The following LDLRAD3 variants were observed in gnomAD, a reference collection of about 807,000 sequenced individuals.
LDLRAD3 encodes low-density lipoprotein receptor class A domain-containing protein 3.
In LDLRAD3, 20 loss-of-function variants were observed where a neutral mutation model predicts 29.4. The observed-to-expected ratio is 0.68, with a 90% confidence interval of 0.48 to 0.99. The LOEUF (loss-of-function observed/expected upper bound fraction) is 0.99, where lower values mean the gene tolerates loss of function less well. Ranked by LOEUF, LDLRAD3 falls within the 50% of genes least tolerant of loss-of-function variation. LDLRAD3 has a pLI of 0.00. For synonymous variants in LDLRAD3, 157 were observed against 192.7 expected, an observed-to-expected ratio of 0.81 and a Z score of 1.53; for missense variants, 420 against 454.3, an observed-to-expected ratio of 0.92 and a Z score of 0.69.
intron 4 of LDLRAD3, among the ~76,000 whole-genome samples, chr11:36,205,971 T>A (rs953946866): frequency 6.6e-6 from 1 of 152,230 alleles, no homozygotes. Context: ...GTCTCCTTGT[T>A]GCTCTGGGTG....
chr11:36,158,096 C>T (rs531848115), intron 4 of LDLRAD3, among the ~76,000 whole-genome samples: 16 of 152,160 alleles, frequency 1.1e-4, no homozygotes, highest in African/African-American at 3.9e-4. Context: ...TTATGCTGGC[C>T]CTGACCCACT....
intron 4 of LDLRAD3, among the ~76,000 whole-genome samples, chr11:36,165,344 C>CTT (rs34637837): frequency 7.0e-6 from 1 of 143,836 alleles, no homozygotes; most frequent in Non-Finnish European, 1.5e-5. Flanking sequence ...GGCTTTAAAC[C>CTT]TTTTTTTTTT....
chr11:36,149,153 C>T (rs1344142687), intron 4 of LDLRAD3, among the ~76,000 whole-genome samples: 1 of 152,120 alleles, frequency 6.6e-6, no homozygotes, highest in African/African-American at 2.4e-5. Context: ...AAAAGGGGAG[C>T]TTTGAACTCC....
chr11:36,183,963 C>CTTTTTT (rs547281058), intron 4 of LDLRAD3: 51 of 221,110 alleles, frequency 2.3e-4, no homozygotes, highest in African/African-American at 1.1e-3. Context: ...TATATTTCAT[C>CTTTTTT]TTTTTTTTTT....
chr11:36,082,984 A>G (rs7113900), intron 3 of LDLRAD3, among the ~76,000 whole-genome samples: 147,191 of 152,306 alleles, frequency 0.97, 71,298 homozygotes, highest in East Asian at 1. Context: ...ACAAACTTAC[A>G]CGTTTATTTT....
intron 4 of LDLRAD3, among the ~76,000 whole-genome samples, chr11:36,208,285 C>G (rs1855237787): frequency 6.6e-6 from 1 of 152,166 alleles, no homozygotes; most frequent in Non-Finnish European, 1.5e-5. Context: ...GACAAAATAC[C>G]TGAGACTGAA....
chr11:36,208,406 G>GAT (rs779179046), intron 4 of LDLRAD3, among the ~76,000 whole-genome samples: 1 of 152,208 alleles, frequency 6.6e-6, no homozygotes, highest in African/African-American at 2.4e-5. Context: ...CTGCTTCTAA[G>GAT]ATACTACCCT....
intron 4 of LDLRAD3, among the ~76,000 whole-genome samples, chr11:36,159,013 C>T (rs1854395608): frequency 6.6e-6 from 1 of 152,066 alleles, no homozygotes; most frequent in Non-Finnish European, 1.5e-5. Context: ...CAAGAGAACA[C>T]CAGTTTTTCT....
At chr11:36,119,124 G>A (rs1291007361) in intron 4 of LDLRAD3, among the ~76,000 whole-genome samples, 3 of 151,982 alleles carry the variant, frequency 2.0e-5, no homozygotes, top group Non-Finnish European at 4.4e-5. Context: ...AATAAAAAAG[G>A]TTCGTCCGTA....
chr11:36,215,772 AG>A (rs1855344625), intron 4 of LDLRAD3, among the ~76,000 whole-genome samples: 2 of 152,194 alleles, frequency 1.3e-5, no homozygotes, highest in Admixed American at 1.3e-4. Flanking sequence ...ATTCTGTATC[AG>A]CCCGTTCCCC....
chr11:35,981,770 C>A (rs973198020), intron 1 of LDLRAD3, among the ~76,000 whole-genome samples: 1 of 152,150 alleles, frequency 6.6e-6, no homozygotes, highest in African/African-American at 2.4e-5. Flanking sequence ...CTTTAGCTTT[C>A]GACAGGAACC....
At chr11:36,216,698 G>C (rs973708509) in intron 4 of LDLRAD3, among the ~76,000 whole-genome samples, 2 of 152,160 alleles carry the variant, frequency 1.3e-5, no homozygotes, top group African/African-American at 4.8e-5. Context: ...CAAAAAAGGA[G>C]GGGGGAAGGG....
chr11:36,153,183 A>G (rs1477557248), intron 4 of LDLRAD3, among the ~76,000 whole-genome samples: 1 of 151,656 alleles, frequency 6.6e-6, no homozygotes, highest in East Asian at 1.9e-4. Context: ...GGGGTGCTTG[A>G]CCAGGATGTG....
intron 3 of LDLRAD3, among the ~76,000 whole-genome samples, chr11:36,092,203 A>G (rs55916331): frequency 0.13 from 20,329 of 152,266 alleles, 1,499 homozygotes; most frequent in South Asian, 0.2. Context: ...AGACCAGGCT[A>G]TAATACAGGG....
At chr11:36,228,679 T>TAAGCCC (rs928467659) in intron 5 of LDLRAD3, among the ~76,000 whole-genome samples, 3 of 152,266 alleles carry the variant, frequency 2.0e-5, no homozygotes, top group Admixed American at 2.0e-4. Context: ...TCATTCCTTT[T>TAAGCCC]AAGCCCCTTC....
In LDLRAD3 at chr11:36,229,276, A is replaced by G; in HGVS notation, c.917A>G (p.Gln306Arg). ...GGGAGTGCCAACAGTGCCAGCTCCC[A>G]GGCAGCCAGCAGCCTCCTGAGCGTG... Reference protein sequence around the residue: ...RSGSANSASSQAASSLLSVED... With the variant: ...RSGSANSASSRAASSLLSVED... The change falls in exon 6 of 6, where the codon CAG becomes CGG. Residue 306 changes from glutamine to arginine, a missense_variant. Gln to Arg is a conservative substitution (Grantham distance 43). This residue lies in a region of LDLRAD3 where 140 missense variants were observed against 139.9 expected (regional missense o/e 1.00). Coordinates refer to ENST00000315571, the MANE Select transcript of LDLRAD3 (RefSeq NM_174902.4). 4 of 1,614,114 alleles carry G rather than the reference A, an allele frequency of 2.5e-6. No homozygotes were observed. Among genetic ancestry groups the G allele is most frequent in the African/African-American group, 1.3e-5 (1 of 75,040 alleles).
At chr11:36,177,586 C>T (rs1347473395) in intron 4 of LDLRAD3, among the ~76,000 whole-genome samples, 3 of 152,216 alleles carry the variant, frequency 2.0e-5, no homozygotes, top group Admixed American at 6.5e-5. Flanking sequence ...TGTTATTGCT[C>T]TTCTGGGTCT....
At chr11:36,062,533 T>C (rs927434182) in intron 2 of LDLRAD3, among the ~76,000 whole-genome samples, 2 of 152,174 alleles carry the variant, frequency 1.3e-5, no homozygotes, top group African/African-American at 2.4e-5. Flanking sequence ...TCTCCCTGAC[T>C]GACATGGTTT....
At chr11:36,179,571 C>T (rs1854727077) in intron 4 of LDLRAD3, among the ~76,000 whole-genome samples, 1 of 152,148 alleles carries the variant, frequency 6.6e-6, no homozygotes, top group South Asian at 2.1e-4. Context: ...ACCACTGGGG[C>T]AGTGGACCAA....
Sources: allele counts gnomAD v4.1 joint callset (sites outside exome capture counted in the v4.1 genomes callset), GRCh38; gene constraint gnomAD v4.1.1; regional missense constraint gnomAD v4.1.1; transcripts MANE v1.5; gene names NCBI Gene and HGNC (gene_info 2026-07-23, HGNC 2026-07-21).